DIS3L2: variants seen among roughly 807,000 people sequenced by gnomAD.
DIS3L2 encodes DIS3-like exonuclease 2.
DIS3L2 carries 34 observed loss-of-function variants against 97.5 expected under a neutral mutation model. The ratio of observed to expected loss-of-function variants is 0.35; its 90% CI spans 0.27 to 0.46. The LOEUF (loss-of-function observed/expected upper bound fraction) is 0.46, where lower values mean the gene tolerates loss of function less well. Ranked by LOEUF, DIS3L2 falls within the 20% of genes least tolerant of loss-of-function variation. The pLI, the probability that DIS3L2 is intolerant of heterozygous loss-of-function variation, is 1.00. For missense variants in DIS3L2, 1,038 were observed against 1,146.0 expected, an observed-to-expected ratio of 0.91 and a Z score of 1.36; for synonymous variants, 435 against 445.2, an observed-to-expected ratio of 0.98 and a Z score of 0.29.
chr2:232,243,742 C>T (rs1013408628), intron 11 of DIS3L2, among the ~76,000 whole-genome samples: 1 of 152,180 alleles, frequency 6.6e-6, no homozygotes, highest in African/African-American at 2.4e-5. Context: ...TAGGGAGAAG[C>T]AAAGGGCAGG....
At chr2:232,105,950 A>G (rs1697347769) in intron 6 of DIS3L2, among the ~76,000 whole-genome samples, 1 of 152,142 alleles carries the variant, frequency 6.6e-6, no homozygotes, top group Admixed American at 6.5e-5. Flanking sequence ...TTAGCTTTAT[A>G]CTAGGCTCCC....
At chr2:232,044,008 G>A (rs1695173891) in intron 5 of DIS3L2, among the ~76,000 whole-genome samples, 2 of 152,138 alleles carry the variant, frequency 1.3e-5, no homozygotes, top group Admixed American at 1.3e-4. Flanking sequence ...CTGAAAATAT[G>A]GTAGATTTGG....
rs181149538 is a variant in DIS3L2, at chr2:232,266,069, C to T, written c.1659+2629C>T. 2.0e-4 allele frequency among the ~76,000 whole-genome samples: 31 copies of T among 152,282 alleles called. No homozygotes were observed. In the East Asian group the frequency reaches 5.0e-3, roughly 25 times the overall value. ...CATCACAGGAAAGTTTCTGTCATAA[C>T]GTTTTAGAGACTTTACCCCACCAGT... On this transcript the variant is annotated intron_variant, in intron 13 of 20. Transcript: ENST00000325385.
At position 232,329,863 on chromosome 2, in the gene DIS3L2, T is replaced by G; in HGVS notation, c.1790T>G (p.Ile597Ser). 1 of 1,375,672 alleles carries G rather than the reference T, an allele frequency of 7.3e-7. No individual in the cohort carries two copies. Among genetic ancestry groups the G allele is most frequent in the Non-Finnish European group, 9.6e-7 (1 of 1,039,342 alleles). The allele number at this position is 1,375,672 out of a possible 1,614,324, so 85.2% of individuals were successfully genotyped here. A position where few individuals can be genotyped will look rare whatever the true frequency, so the allele number is the denominator to read the frequency against. The change falls in exon 15 of 21, where the codon ATC becomes AGC. Residue 597 changes from isoleucine to serine, a missense_variant. Coordinates refer to ENST00000325385, the MANE Select transcript of DIS3L2 (RefSeq NM_152383.5). The part of the protein sequence containing the change: ...LLANMAVAHK[I>S]HRAFPEQALL... ...GCCAACATGGCAGTGGCCCACAAGA[T>G]CCACCGCGCCTTCCCCGAGCAGGCC...
At position 232,128,451 on chromosome 2, in the gene DIS3L2, A is replaced by ATTTT. The variant is rs10682281; in HGVS notation, c.602-2143_602-2140dup. On this transcript the variant is annotated intron_variant, in intron 6 of 20. Transcript: ENST00000325385. ...TCTCATTAAATTGACAACTTTGCTAATTTTTTTTTTTTTTTTTTTTTTTTT... is the reference window on the plus strand; with the variant it reads ...TCTCATTAAATTGACAACTTTGCTAATTTTTTTTTTTTTTTTTTTTTTTTTTTTT... 8.1e-3 allele frequency among the ~76,000 whole-genome samples: 582 copies of ATTTT among 71,714 alleles called. 85 individuals carry two copies. The East Asian group carries it at 0.093, about 11-fold the overall frequency. The allele number at this position is 71,714 out of a possible 152,430, so 47.0% of individuals were successfully genotyped here. A position where few individuals can be genotyped will look rare whatever the true frequency, so the allele number is the denominator to read the frequency against.
chr2:232,104,727 G>T (rs968892930), intron 6 of DIS3L2, among the ~76,000 whole-genome samples: 4 of 152,160 alleles, frequency 2.6e-5, no homozygotes. Context: ...CATATATGTT[G>T]TAGTGTGTAT....
At chr2:232,012,119 G>A (rs1458254568) in intron 1 of DIS3L2, among the ~76,000 whole-genome samples, 1 of 152,142 alleles carries the variant, frequency 6.6e-6, no homozygotes, top group African/African-American at 2.4e-5. Context: ...TTGCTGACTT[G>A]TTTTTAAAGT....
chr2:231,975,704 CAAAAAA>C (rs34710079), intron 1 of DIS3L2, among the ~76,000 whole-genome samples: 2 of 55,410 alleles, frequency 3.6e-5, no homozygotes, highest in African/African-American at 6.7e-5. Context: ...GACTCCGCCT[CAAAAAA>C]AAAAAAAAAA....
chr2:232,312,026 CCTGTTTTTCTACTGGGTTTT>C (rs954223957), intron 14 of DIS3L2, among the ~76,000 whole-genome samples: 2 of 152,116 alleles, frequency 1.3e-5, no homozygotes, highest in African/African-American at 4.8e-5. Flanking sequence ...AAATTTCTTG[CCTGTTTTTCTACTGGGTTTT>C]CTGTTTTTCT....
chr2:232,051,402 T>C (rs2106264105), intron 5 of DIS3L2, among the ~76,000 whole-genome samples: 1 of 152,266 alleles, frequency 6.6e-6, no homozygotes, highest in Non-Finnish European at 1.5e-5. Context: ...TTTCCAAACT[T>C]CAGAAAAAGG....
At chr2:232,251,464 G>A (rs1486802885) in intron 12 of DIS3L2, among the ~76,000 whole-genome samples, 2 of 152,136 alleles carry the variant, frequency 1.3e-5, no homozygotes, top group East Asian at 1.9e-4. Context: ...AAAATTAGAA[G>A]ACTAGTCCAA....
intron 5 of DIS3L2, among the ~76,000 whole-genome samples, chr2:232,082,991 A>G (rs1696448850): frequency 6.6e-6 from 1 of 152,200 alleles, no homozygotes; most frequent in South Asian, 2.1e-4. Context: ...GGACTTGTTC[A>G]GGGAAACTCC....
intron 5 of DIS3L2, among the ~76,000 whole-genome samples, chr2:232,063,555 T>C (rs1462941273): frequency 6.6e-6 from 1 of 152,220 alleles, no homozygotes; most frequent in Admixed American, 6.5e-5. Context: ...CAAACATGCC[T>C]ACTTCTTGAA....
chr2:232,250,758 C>T (rs972854740), intron 12 of DIS3L2, among the ~76,000 whole-genome samples: 2 of 152,134 alleles, frequency 1.3e-5, no homozygotes, highest in East Asian at 3.8e-4. Flanking sequence ...TGAATGTTGG[C>T]ATACTGAACG....
At chr2:232,332,970 T>C (rs1378409606) in intron 16 of DIS3L2, among the ~76,000 whole-genome samples, 2 of 152,068 alleles carry the variant, frequency 1.3e-5, no homozygotes, top group Admixed American at 1.3e-4. Flanking sequence ...CCTCCCACTC[T>C]GGCCAGATGG....
At chr2:232,028,285 TCAAA>T (rs1694714805) in intron 4 of DIS3L2, among the ~76,000 whole-genome samples, 1 of 152,164 alleles carries the variant, frequency 6.6e-6, no homozygotes, top group Non-Finnish European at 1.5e-5. Flanking sequence ...CTTCTGGCAT[TCAAA>T]CAAAGAGCTG....
chr2:232,086,283 G>A (rs866851691), intron 5 of DIS3L2, among the ~76,000 whole-genome samples: 12 of 141,706 alleles, frequency 8.5e-5, no homozygotes, highest in South Asian at 2.3e-4. Context: ...ATACATATAC[G>A]TATATATGTA....
At chr2:232,225,768 T>A (rs1692628190) in intron 10 of DIS3L2, among the ~76,000 whole-genome samples, 1 of 152,112 alleles carries the variant, frequency 6.6e-6, no homozygotes, top group Non-Finnish European at 1.5e-5. Context: ...ACAAAAAAAA[T>A]GGAAACAACC....
intron 13 of DIS3L2, among the ~76,000 whole-genome samples, chr2:232,296,542 T>C (rs1274255228): frequency 1.3e-5 from 2 of 152,094 alleles, no homozygotes; most frequent in African/African-American, 4.8e-5. Context: ...ATTATGGGGG[T>C]GGGCTTTCCC....
Sources: allele counts gnomAD v4.1 joint callset (sites outside exome capture counted in the v4.1 genomes callset), GRCh38; gene constraint gnomAD v4.1.1; transcripts MANE v1.5; gene names NCBI Gene and HGNC (gene_info 2026-07-23, HGNC 2026-07-21).